Variants in MAML1 observed in about 807,000 individuals in gnomAD.
MAML1 encodes mastermind-like protein 1.
A neutral mutation model predicts 77.1 loss-of-function variants in MAML1; 14 were observed. The observed-to-expected ratio is 0.18, with a 90% confidence interval of 0.12 to 0.28. The LOEUF (loss-of-function observed/expected upper bound fraction) is 0.28. Among genes scored for constraint, MAML1 ranks in the 10% least tolerant of loss-of-function variants. The pLI is 1.00. For missense variants in MAML1, 1,217 were observed against 1,327.8 expected (o/e 0.92, Z 1.30); for synonymous variants, 516 against 551.9 (o/e 0.93, Z 0.91).
Position 179,775,436 on chromosome 5 carries a change from T to G in MAML1, c.*559T>G, listed in dbSNP as rs190607251. On this transcript the variant is annotated 3_prime_UTR_variant, in exon 5 of 5. Transcript: ENST00000292599. Reference sequence around the variant, plus strand: ...GGTTTCCTTTTGATTAAGAGCCTTTTTTGTTTCTGCTCTTTGTCAGCTTTC... The same window carrying G: ...GGTTTCCTTTTGATTAAGAGCCTTTGTTGTTTCTGCTCTTTGTCAGCTTTC... 2.0e-5 allele frequency: 20 copies of G among 985,474 alleles called. No homozygotes were observed. The Admixed American group carries it at 7.4e-4, about 36-fold the overall frequency. The allele number at this position is 985,474 out of a possible 1,614,324, so 61.0% of individuals were successfully genotyped here. A position where few individuals can be genotyped will look rare whatever the true frequency, so the allele number is the denominator to read the frequency against.
In MAML1 at chr5:179,771,079, C is replaced by T; in HGVS notation, c.1972-68C>T. ...TGGATAAGTTACTTTTCTCTGACCT[C>T]CCTCACTCCCTTTGTTTTGGATTTT... On this transcript the variant is annotated intron_variant, in intron 3 of 4. Coordinates refer to ENST00000292599, the MANE Select transcript of MAML1 (RefSeq NM_014757.5). This position sits in a 1 kb window ranked among gnomAD's most constrained non-coding sequence, Gnocchi z 4.7. The T allele has an allele frequency of 4.2e-6, 5 of 1,187,192 alleles. No homozygotes were observed. Among genetic ancestry groups the T allele is most frequent in the Non-Finnish European group, 5.1e-6 (4 of 791,562 alleles). 73.5% of individuals were successfully genotyped at this position (1,187,192 alleles called of 1,614,324 possible).
intron 1 of MAML1, among the ~76,000 whole-genome samples, chr5:179,760,194 T>A (rs1312093633): frequency 6.6e-6 from 1 of 152,068 alleles, no homozygotes; most frequent in Non-Finnish European, 1.5e-5. Flanking sequence ...TCACAGACAC[T>A]TATCAAGTGC....
chr5:179,768,735 T>C (rs1779866951), intron 2 of MAML1, 115 bp from the exon 3 acceptor site: 5 of 1,338,152 alleles, frequency 3.7e-6, no homozygotes, highest in Non-Finnish European at 5.2e-6. Flanking sequence ...TTATTCGAGG[T>C]CAGAAGGGAA....
chr5:179,754,263 C>A (rs2113358696), intron 1 of MAML1, among the ~76,000 whole-genome samples: 1 of 151,856 alleles, frequency 6.6e-6, no homozygotes, highest in Admixed American at 6.6e-5. Context: ...ACCTGGGTAA[C>A]AGAGCGAGAC....
Position 179,776,510 on chromosome 5 carries a change from C to T in MAML1, c.*1633C>T. ...CGGCCATTTCTCCTTAAAACACCTT[C>T]CCTACCTTTCCCATGTACTCAGTTT... On this transcript the variant is annotated 3_prime_UTR_variant, in exon 5 of 5. Coordinates refer to ENST00000292599, the MANE Select transcript of MAML1 (RefSeq NM_014757.5). The T allele has an allele frequency of 1.0e-6, 1 of 985,768 alleles. No individual in the cohort carries two copies. The highest frequency in any genetic ancestry group is 1.2e-6 in the Non-Finnish European group (1 of 829,940). 61.1% of individuals were successfully genotyped at this position (985,768 alleles called of 1,614,324 possible).
chr5:179,744,376 G>C (rs1223131325), intron 1 of MAML1, among the ~76,000 whole-genome samples: 1 of 151,852 alleles, frequency 6.6e-6, no homozygotes, highest in Admixed American at 6.6e-5. Context: ...TAGTAGAGAT[G>C]GGGTTTCACA....
intron 1 of MAML1, among the ~76,000 whole-genome samples, chr5:179,755,974 C>T (rs1277330010): frequency 1.3e-5 from 2 of 151,068 alleles, no homozygotes; most frequent in Admixed American, 6.6e-5. Context: ...CCATGTTGGC[C>T]AGGCTGGTCT....
chr5:179,755,196 C>G (rs1175516155), intron 1 of MAML1, among the ~76,000 whole-genome samples: 1 of 152,182 alleles, frequency 6.6e-6, no homozygotes, highest in African/African-American at 2.4e-5. Flanking sequence ...AACCGAACAG[C>G]ACTTAGCCTG....
At chr5:179,746,534 C>T (rs558688726) in intron 1 of MAML1, among the ~76,000 whole-genome samples, 158 of 151,658 alleles carry the variant, frequency 1.0e-3, no homozygotes, top group Non-Finnish European at 1.7e-3. Context: ...CCACCACACC[C>T]GGCTAATTTT....
At chr5:179,752,027 A>G (rs1230381979) in intron 1 of MAML1, among the ~76,000 whole-genome samples, 3 of 151,368 alleles carry the variant, frequency 2.0e-5, no homozygotes, top group Non-Finnish European at 4.4e-5. Context: ...TACTGATTAC[A>G]TGTTAAAAAG....
At chr5:179,754,014 T>G (rs915035244) in intron 1 of MAML1, among the ~76,000 whole-genome samples, 3 of 151,272 alleles carry the variant, frequency 2.0e-5, no homozygotes, top group Admixed American at 2.0e-4. Flanking sequence ...CTGGGCACAA[T>G]GGCTCACGCC....
rs548354642 is a variant in MAML1 at position 179,765,493 on chromosome 5, C to T, written c.483C>T (p.Leu161=). Residue 161 remains leucine, a synonymous_variant, in exon 2 of 5, where the codon CTC becomes CTT. Coordinates refer to ENST00000292599, the MANE Select transcript of MAML1 (RefSeq NM_014757.5). The part of the protein sequence containing the change: ...SSNGLPPASP[L]GQSDKPSGAD... ...ATGGACTGCCTCCAGCCTCCCCCCT[C>T]GGTCAGTCTGACAAGCCTTCTGGAG... The T allele has an allele frequency of 6.2e-6, 10 of 1,614,122 alleles. No homozygotes were observed. Among genetic ancestry groups the T allele is most frequent in the South Asian group, 3.3e-5 (3 of 91,076 alleles).
At position 179,774,179 on chromosome 5, in the gene MAML1, A is replaced by T. The variant is rs377054021; in HGVS notation, c.2353A>T (p.Thr785Ser). Reference sequence around the variant, plus strand: ...TGGACATGCCCACATTCCACGGCAGACCAACGTGGGCCAGAACACCTCCGT... The same window carrying T: ...TGGACATGCCCACATTCCACGGCAGTCCAACGTGGGCCAGAACACCTCCGT... ...TNGHAHIPRQ[T>S]NVGQNTSVSA... Residue 785 changes from threonine (T) to serine (S), a missense_variant, in exon 5 of 5, where the codon ACC becomes TCC. Thr to Ser is a moderately conservative substitution (Grantham distance 58). Coordinates refer to ENST00000292599, the MANE Select transcript of MAML1 (RefSeq NM_014757.5). The T allele has an allele frequency of 6.2e-7, 1 of 1,613,518 alleles. No individual in the cohort carries two copies. Among genetic ancestry groups the T allele is most frequent in the Admixed American group, 1.7e-5 (1 of 60,016 alleles).
rs773378978 is a variant in MAML1, at chr5:179,769,655, C to G, written c.1971+566C>G. On this transcript the variant is annotated intron_variant, in intron 3 of 4. Transcript: ENST00000292599. This position sits in a 1 kb window ranked among gnomAD's most constrained non-coding sequence, Gnocchi z 4.2. The stretch of plus-strand genomic sequence containing the variant: ...GCAGCCTCCACCTCATGGGTTCATG[C>G]AATTCTCCTGCCTCAGCCTCCCGAG... Among the ~76,000 whole-genome samples, 2 of 152,038 alleles carry G rather than the reference C, an allele frequency of 1.3e-5. No homozygotes were observed. The highest frequency in any genetic ancestry group is 2.9e-5 in the Non-Finnish European group (2 of 68,024).
intron 1 of MAML1, among the ~76,000 whole-genome samples, chr5:179,747,169 A>G (rs1271597055): frequency 3.9e-5 from 6 of 152,160 alleles, no homozygotes; most frequent in Non-Finnish European, 7.3e-5. Flanking sequence ...CACACTTTTA[A>G]TTAGTGTGTT....
At chr5:179,742,345 C>T (rs1451143064) in intron 1 of MAML1, among the ~76,000 whole-genome samples, 4 of 151,050 alleles carry the variant, frequency 2.6e-5, no homozygotes, top group African/African-American at 4.9e-5. Context: ...AAAAATTAGC[C>T]GGACGTGGTG....
chr5:179,736,909 T>C (rs1430572615), intron 1 of MAML1, among the ~76,000 whole-genome samples: 1 of 150,638 alleles, frequency 6.6e-6, no homozygotes, highest in Non-Finnish European at 1.5e-5. Context: ...TACAGTGAGC[T>C]GAGATCGTAC....
chr5:179,774,870 C>T lies in MAML1; in HGVS notation c.3044C>T (p.Ser1015Phe), dbSNP rs777200900. 1 of 1,603,338 alleles carries T rather than the reference C, an allele frequency of 6.2e-7. No homozygotes were observed. Among genetic ancestry groups the T allele is most frequent in the Non-Finnish European group, 8.5e-7 (1 of 1,173,274 alleles). ...WMSDLDDLLG[S>F]Q ...AGTGATTTGGACGACCTGTTAGGGT[C>T]TCAGTAATGGAAGGATTTGTAGTGT... Residue 1015 changes from serine to phenylalanine, a missense_variant, in exon 5 of 5, where the codon TCT (serine) becomes TTT (phenylalanine). Physicochemically the swap from Ser to Phe is radical, Grantham distance 155. Around this residue, in one of 3 missense-constraint regions of MAML1, gnomAD observed 884 missense variants for 949.3 expected, o/e 0.93. Coordinates refer to ENST00000292599, the MANE Select transcript of MAML1 (RefSeq NM_014757.5).
intron 1 of MAML1, among the ~76,000 whole-genome samples, chr5:179,747,734 C>T (rs968804066): frequency 7.6e-6 from 1 of 131,558 alleles, no homozygotes; most frequent in Non-Finnish European, 1.6e-5. Context: ...GGCGTGAACC[C>T]CGGGAGGCGG....
Sources: gnomAD v4.1 joint callset for allele counts (sites outside exome capture counted in the v4.1 genomes callset) on GRCh38, gnomAD v4.1.1 for gene constraint, gnomAD v4.1.1 regional missense constraint, Gnocchi (gnomAD v3.1) non-coding constraint, MANE v1.5 for transcripts, NCBI Gene and HGNC (gene_info 2026-07-23, HGNC 2026-07-21) for gene names.